Variants in PDE4D observed in about 807,000 individuals in gnomAD.
PDE4D encodes the protein phosphodiesterase 4D.
A neutral mutation model predicts 87.4 loss-of-function variants in PDE4D; 24 were observed. The ratio of observed to expected loss-of-function variants is 0.27; its 90% confidence interval spans 0.20 to 0.39. The LOEUF (loss-of-function observed/expected upper bound fraction) is 0.39, where lower values mean the gene tolerates loss of function less well. Ranked by LOEUF, PDE4D falls within the 10% of genes least tolerant of loss-of-function variation. The pLI is 1.00. For missense variants in PDE4D, 714 were observed against 1,041.0 expected (o/e 0.69, Z 4.32); for synonymous variants, 384 against 383.2 (o/e 1.00, Z -0.02).
chr5:59,293,228 A>G (rs1246105496), intron 1 of PDE4D, among the ~76,000 whole-genome samples: 2 of 152,202 alleles, frequency 1.3e-5, no homozygotes, highest in Non-Finnish European at 1.5e-5. Context: ...TTCTTAAAAA[A>G]TACAGTTATT....
chr5:59,289,969 A>G (rs1767702425), intron 1 of PDE4D, among the ~76,000 whole-genome samples: 1 of 152,026 alleles, frequency 6.6e-6, no homozygotes, highest in Non-Finnish European at 1.5e-5. Flanking sequence ...TAACTAAACC[A>G]AAAAAGTCTA....
In PDE4D at chr5:60,443,457, TAAG is replaced by T. The variant is rs369536003; in HGVS notation, c.-90+44482_-90+44484del. Among the ~76,000 whole-genome samples the T allele has an allele frequency of 1.3e-3, 195 of 152,320 alleles. 1 individual carries two copies. The highest frequency in any genetic ancestry group is 4.2e-3 in the African/African-American group (175 of 41,582). ...GTTAAAAAGTTGCTTAGGCAATATTTAAGAAGAAGAGAAAGCACACTTAAATGA... is the reference window on the plus strand; with the variant it reads ...GTTAAAAAGTTGCTTAGGCAATATTTAAGAAGAGAAAGCACACTTAAATGA... On this transcript the variant is annotated intron_variant, in intron 1 of 16. Coordinates refer to the PDE4D transcript ENST00000502484.
intron 1 of PDE4D, among the ~76,000 whole-genome samples, chr5:60,301,805 A>T (rs1161277741): frequency 6.6e-6 from 1 of 152,228 alleles, no homozygotes; most frequent in Admixed American, 6.5e-5. Context: ...TATTGGCTGT[A>T]GATTTGTCAT....
At chr5:59,474,588 A>G (rs1410191231) in intron 1 of PDE4D, among the ~76,000 whole-genome samples, 1 of 152,148 alleles carries the variant, frequency 6.6e-6, no homozygotes, top group Non-Finnish European at 1.5e-5. Context: ...TCCCTGGTGA[A>G]GAAGCCTGAG....
intron 1 of PDE4D, among the ~76,000 whole-genome samples, chr5:60,273,721 G>C (rs1204645503): frequency 6.6e-6 from 1 of 152,136 alleles, no homozygotes; most frequent in East Asian, 1.9e-4. Flanking sequence ...GTGGAAAAGA[G>C]GGAAGGAGAA....
chr5:60,201,034 C>T (rs1017366202), intron 1 of PDE4D, among the ~76,000 whole-genome samples: 4 of 149,068 alleles, frequency 2.7e-5, no homozygotes, highest in Admixed American at 6.7e-5. Flanking sequence ...TCATTAAAGC[C>T]GGGAGCAGCA....
At chr5:60,196,558 A>G (rs991397704) in intron 1 of PDE4D, among the ~76,000 whole-genome samples, 3 of 151,648 alleles carry the variant, frequency 2.0e-5, no homozygotes, top group Non-Finnish European at 4.4e-5. Context: ...CCTGTGAATC[A>G]TAGGACAGCA....
chr5:59,906,539 C>T (rs574161055), intron 3 of PDE4D, among the ~76,000 whole-genome samples: 1 of 152,264 alleles, frequency 6.6e-6, no homozygotes, highest in South Asian at 2.1e-4. Flanking sequence ...TCAATGATTG[C>T]TCTCATACTT....
chr5:59,806,828 T>C (rs1767790049), intron 1 of PDE4D, among the ~76,000 whole-genome samples: 1 of 152,242 alleles, frequency 6.6e-6, no homozygotes, highest in Non-Finnish European at 1.5e-5. Context: ...ATTAGCTCAA[T>C]TTAGCCATTA....
intron 2 of PDE4D, among the ~76,000 whole-genome samples, chr5:60,012,443 T>C (rs1048757167): frequency 1.3e-5 from 2 of 152,222 alleles, no homozygotes; most frequent in African/African-American, 4.8e-5. Context: ...GAGCATAAGC[T>C]TTCAGACTGA....
intron 1 of PDE4D, among the ~76,000 whole-genome samples, chr5:59,628,527 TC>T (rs1205302557): frequency 6.6e-6 from 1 of 152,172 alleles, no homozygotes; most frequent in Non-Finnish European, 1.5e-5. Flanking sequence ...AGAATGAGAT[TC>T]TTTTTTAGAT....
chr5:59,185,120 G>T, intron 4 of PDE4D, 69 bp downstream of exon 4: 2 of 1,205,888 alleles, frequency 1.7e-6, no homozygotes. Flanking sequence ...ATTGCCTTGG[G>T]CTCAATCAAG....
intron 1 of PDE4D, among the ~76,000 whole-genome samples, chr5:60,424,724 C>T (rs111567992): frequency 8.9e-4 from 136 of 152,172 alleles, no homozygotes; most frequent in African/African-American, 3.1e-3. Flanking sequence ...ATTCAATTAG[C>T]AAAAGAGGAA....
chr5:59,087,308 G>A (rs977693446), intron 5 of PDE4D, among the ~76,000 whole-genome samples: 1 of 151,970 alleles, frequency 6.6e-6, no homozygotes, highest in African/African-American at 2.4e-5. Flanking sequence ...AACATAGGGA[G>A]ACCTTGTCTC....
intron 1 of PDE4D, among the ~76,000 whole-genome samples, chr5:59,645,529 T>C (rs559226531): frequency 1.3e-5 from 2 of 152,306 alleles, no homozygotes; most frequent in South Asian, 4.2e-4. Flanking sequence ...TGTGATTATA[T>C]TCTTGTGGTT....
chr5:59,268,797 G>C (rs550607900), intron 1 of PDE4D, among the ~76,000 whole-genome samples: 1 of 151,698 alleles, frequency 6.6e-6, no homozygotes, highest in Non-Finnish European at 1.5e-5. Flanking sequence ...TATACATATC[G>C]CTCAGCATCT....
chr5:59,850,649 T>C (rs761366223), intron 1 of PDE4D, among the ~76,000 whole-genome samples: 1 of 152,010 alleles, frequency 6.6e-6, no homozygotes, highest in Non-Finnish European at 1.5e-5. Flanking sequence ...ATGAAAGGGA[T>C]GACGCCAGAG....
At chr5:60,020,836 A>G (rs886726067) in intron 2 of PDE4D, among the ~76,000 whole-genome samples, 5 of 152,204 alleles carry the variant, frequency 3.3e-5, no homozygotes, top group Non-Finnish European at 7.3e-5. Flanking sequence ...GCCACAACAT[A>G]AGGAAGTGAA....
intron 1 of PDE4D, among the ~76,000 whole-genome samples, chr5:59,570,700 A>G (rs1821691389): frequency 6.6e-6 from 1 of 152,194 alleles, no homozygotes; most frequent in South Asian, 2.1e-4. Context: ...ATGCTAGCCA[A>G]ATTTCTATCC....
Sources: allele counts gnomAD v4.1 joint callset (sites outside exome capture counted in the v4.1 genomes callset), GRCh38; gene constraint gnomAD v4.1.1; transcripts MANE v1.5; gene names NCBI Gene and HGNC (gene_info 2026-07-23, HGNC 2026-07-21).